TAFA5: variants seen among roughly 807,000 people sequenced by gnomAD.
TAFA5 encodes chemokine-like protein TAFA-5.
In TAFA5, 6 loss-of-function variants were observed where a neutral mutation model predicts 15.3. The ratio of observed to expected loss-of-function variants is 0.39; its 90% CI spans 0.21 to 0.77. The LOEUF is 0.77. Among genes scored for constraint, TAFA5 ranks in the 30% least tolerant of loss-of-function variants. TAFA5 has a pLI of 0.41. For missense variants in TAFA5, 161 were observed against 193.1 expected (o/e 0.83, Z 0.98); for synonymous variants, 103 against 80.7 (o/e 1.28, Z -1.48).
At chr22:48,564,125 C>T (rs1923331204) in intron 1 of TAFA5, among the ~76,000 whole-genome samples, 1 of 152,228 alleles carries the variant, frequency 6.6e-6, no homozygotes, top group Non-Finnish European at 1.5e-5. Flanking sequence ...GCGGCTCATC[C>T]CCTGGTCACG....
chr22:48,587,320 C>T (rs1172162798), intron 1 of TAFA5, among the ~76,000 whole-genome samples: 1 of 152,146 alleles, frequency 6.6e-6, no homozygotes, highest in East Asian at 1.9e-4. Flanking sequence ...TCCTGGACTG[C>T]AGGGACTTGC....
intron 1 of TAFA5, among the ~76,000 whole-genome samples, chr22:48,563,558 A>C (rs915774834): frequency 6.6e-6 from 1 of 152,210 alleles, no homozygotes; most frequent in African/African-American, 2.4e-5. Flanking sequence ...TGCATCTGCC[A>C]TCTGAGAAGG....
intron 1 of TAFA5, among the ~76,000 whole-genome samples, chr22:48,578,352 G>C (rs1445721913): frequency 1.3e-5 from 2 of 152,206 alleles, no homozygotes; most frequent in Non-Finnish European, 2.9e-5. Context: ...CCCCAGTGCA[G>C]GTGCCTCCGG....
intron 2 of TAFA5, among the ~76,000 whole-genome samples, chr22:48,657,516 T>G (rs1050366059): frequency 3.3e-5 from 5 of 152,246 alleles, no homozygotes; most frequent in African/African-American, 1.2e-4. Flanking sequence ...GGCCACTTCT[T>G]AACTCACTCT....
rs1230703136 is a variant in TAFA5, at chr22:48,668,707, T to C, written c.262+21961T>C. Among the ~76,000 whole-genome samples the C allele has an allele frequency of 2.0e-5, 3 of 151,376 alleles. 1 individual carries two copies. Among genetic ancestry groups the C allele is most frequent in the African/African-American group, 7.3e-5 (3 of 41,128 alleles). On this transcript the variant is annotated intron_variant, in intron 2 of 3. Coordinates refer to ENST00000402357, the MANE Select transcript of TAFA5 (RefSeq NM_001082967.3). The stretch of plus-strand genomic sequence containing the variant: ...TCCCCCAGCACTCGGGGCCGCGTTT[T>C]CACTGGAAACTGTAGTCCCCCAGCA...
At chr22:48,690,194 C>T (rs998172858) in intron 2 of TAFA5, among the ~76,000 whole-genome samples, 4 of 152,172 alleles carry the variant, frequency 2.6e-5, no homozygotes, top group African/African-American at 9.7e-5. Flanking sequence ...ACGGGGCTCC[C>T]AGCGGGTTCC....
At chr22:48,670,755 C>G (rs954472172) in intron 2 of TAFA5, among the ~76,000 whole-genome samples, 2 of 152,136 alleles carry the variant, frequency 1.3e-5, no homozygotes, top group Non-Finnish European at 2.9e-5. Flanking sequence ...GGCCTGAAGG[C>G]GAGAAAGCAC....
chr22:48,678,563 G>A (rs1479024901), intron 2 of TAFA5, among the ~76,000 whole-genome samples: 1 of 152,158 alleles, frequency 6.6e-6, no homozygotes, highest in East Asian at 1.9e-4. Flanking sequence ...AGGTCGGGGA[G>A]CCGCGTGTGT....
At chr22:48,502,562 C>T (rs896767609) in intron 1 of TAFA5, among the ~76,000 whole-genome samples, 3 of 149,038 alleles carry the variant, frequency 2.0e-5, no homozygotes, top group Non-Finnish European at 3.0e-5. Context: ...GACTCTGTCT[C>T]CCAGCCTGGA....
intron 2 of TAFA5, among the ~76,000 whole-genome samples, chr22:48,674,814 CA>C (rs1927919021): frequency 6.6e-6 from 1 of 152,154 alleles, no homozygotes; most frequent in African/African-American, 2.4e-5. Context: ...GCCCGATGCA[CA>C]GTTTTATCGG....
At chr22:48,693,860 A>G (rs7287636) in intron 2 of TAFA5, among the ~76,000 whole-genome samples, 4,809 of 152,238 alleles carry the variant, frequency 0.032, 201 homozygotes, top group East Asian at 0.12. Flanking sequence ...TGACTATGCC[A>G]TCTCAGATGG....
intron 2 of TAFA5, among the ~76,000 whole-genome samples, chr22:48,667,775 T>A (rs12485017): frequency 5.6e-4 from 12 of 21,578 alleles, no homozygotes; most frequent in African/African-American, 3.7e-3. Flanking sequence ...CACTGGGAGC[T>A]GTAATCCCCC....
chr22:48,693,495 T>C (rs963776847), intron 2 of TAFA5: 3 of 1,550,596 alleles, frequency 1.9e-6, no homozygotes, highest in African/African-American at 1.4e-5. Flanking sequence ...AAGCATAGCC[T>C]GAGGTCCCAG....
intron 2 of TAFA5, among the ~76,000 whole-genome samples, chr22:48,677,947 G>A (rs1437422346): frequency 6.6e-6 from 1 of 151,800 alleles, no homozygotes. Context: ...AGACCTTCCA[G>A]TCCCCCAGGC....
intron 1 of TAFA5, among the ~76,000 whole-genome samples, chr22:48,519,696 C>T (rs1305501732): frequency 6.6e-6 from 1 of 152,172 alleles, no homozygotes; most frequent in Admixed American, 6.5e-5. Flanking sequence ...TCTTGGAGCC[C>T]TGGGCTCCTC....
At chr22:48,595,231 G>C (rs1225187463) in intron 1 of TAFA5, among the ~76,000 whole-genome samples, 3 of 152,238 alleles carry the variant, frequency 2.0e-5, no homozygotes, top group African/African-American at 7.2e-5. Flanking sequence ...TGCAGCCATG[G>C]AGCCTGGGAG....
chr22:48,610,337 C>T (rs1311445338), intron 1 of TAFA5, among the ~76,000 whole-genome samples: 1 of 152,254 alleles, frequency 6.6e-6, no homozygotes, highest in Non-Finnish European at 1.5e-5. Flanking sequence ...GCTGGGTGTC[C>T]AGCCTCACCT....
At chr22:48,645,246 A>T (rs2147201292) in intron 1 of TAFA5, among the ~76,000 whole-genome samples, 1 of 152,096 alleles carries the variant, frequency 6.6e-6, no homozygotes, top group South Asian at 2.1e-4. Flanking sequence ...TGCCCTGGGG[A>T]TGCTGGGTTT....
At position 48,561,854 on chromosome 22, in the gene TAFA5, C is replaced by T. The variant is rs189450236; in HGVS notation, c.112+72150C>T. Among the ~76,000 whole-genome samples the T allele has an allele frequency of 6.6e-5, 10 of 152,316 alleles. No individual in the cohort carries two copies. The East Asian group carries it at 7.7e-4, about 12-fold the overall frequency. On this transcript the variant is annotated intron_variant, in intron 1 of 3. Coordinates refer to ENST00000402357, the MANE Select transcript of TAFA5 (RefSeq NM_001082967.3). Reference sequence around the variant, plus strand: ...CAGCACGGCTGCGTGGGGACCAGTCCGGGGCCACACACATTCTGCACAGTG... The same window carrying T: ...CAGCACGGCTGCGTGGGGACCAGTCTGGGGCCACACACATTCTGCACAGTG...
Sources: gnomAD v4.1 joint callset for allele counts (sites outside exome capture counted in the v4.1 genomes callset) on GRCh38, gnomAD v4.1.1 for gene constraint, MANE v1.5 for transcripts, NCBI Gene and HGNC (gene_info 2026-07-23, HGNC 2026-07-21) for gene names.